OSTN: variants seen among roughly 807,000 people sequenced by gnomAD.
OSTN encodes the protein osteocrin.
OSTN carries 9 observed loss-of-function variants against 12.0 expected under a neutral mutation model. That is an observed-to-expected ratio of 0.75 (90% CI 0.45 to 1.30). The LOEUF is 1.30. Ranked by LOEUF, OSTN falls within the 50% of genes most tolerant of loss-of-function variation. The pLI, the probability that OSTN is intolerant of heterozygous loss-of-function variation, is 0.00. For synonymous variants in OSTN, 59 were observed against 56.9 expected (o/e 1.04, Z -0.16); for missense variants, 148 against 152.3 (o/e 0.97, Z 0.15).
At chr3:191,216,804 A>G (rs1714624012) in intron 2 of OSTN, among the ~76,000 whole-genome samples, 1 of 152,178 alleles carries the variant, frequency 6.6e-6, no homozygotes, top group Admixed American at 6.5e-5. Context: ...CCATAAAACT[A>G]TCAGCATTTT....
chr3:191,248,501 T>C (rs189115544), intron 3 of OSTN, among the ~76,000 whole-genome samples: 213 of 152,344 alleles, frequency 1.4e-3, no homozygotes, highest in African/African-American at 4.8e-3. Context: ...ATAATACTAG[T>C]AATTAGAAAA....
chr3:191,256,010 G>A (rs9818832), intron 4 of OSTN, among the ~76,000 whole-genome samples: 56,133 of 151,776 alleles, frequency 0.37, 10,668 homozygotes, highest in Admixed American at 0.47. Flanking sequence ...ACTTTGGATT[G>A]TGGCTGATTA....
chr3:191,214,429 T>C (rs1576924426), intron 2 of OSTN, among the ~76,000 whole-genome samples: 1 of 91,220 alleles, frequency 1.1e-5, no homozygotes, highest in Admixed American at 1.8e-4. Flanking sequence ...AGAGTGAGAC[T>C]CCATCTCAAA....
intron 1 of OSTN, among the ~76,000 whole-genome samples, chr3:191,207,782 T>C (rs1714315480): frequency 6.6e-6 from 1 of 152,160 alleles, no homozygotes; most frequent in African/African-American, 2.4e-5. Flanking sequence ...TTTAAAAATA[T>C]ACAATATATC....
rs71937483 is a variant in OSTN at position 191,230,066 on chromosome 3, CAATAAATA to C, written c.317+11135_317+11142del. ...GGGCAACAGAGTGAGGACTCAGTCT[CAATAAATA>C]AATAAATAAATAAATAAATAAATAA... On this transcript the variant is annotated intron_variant, in intron 3 of 4. Transcript: ENST00000682035. 3.7e-3 allele frequency among the ~76,000 whole-genome samples: 534 copies of C among 146,146 alleles called. 6 individuals carry two copies. Among genetic ancestry groups the C allele is most frequent in the African/African-American group, 7.6e-3 (293 of 38,370 alleles).
At chr3:191,253,486 C>T (rs1455143078) in intron 4 of OSTN, among the ~76,000 whole-genome samples, 1 of 152,122 alleles carries the variant, frequency 6.6e-6, no homozygotes, top group Non-Finnish European at 1.5e-5. Flanking sequence ...GGATGAAGAC[C>T]TCAACTTTCC....
At chr3:191,219,568 C>T (rs565545022) in intron 3 of OSTN, among the ~76,000 whole-genome samples, 1 of 152,292 alleles carries the variant, frequency 6.6e-6, no homozygotes, top group Admixed American at 6.5e-5. Flanking sequence ...TCATAGAATG[C>T]TAATTACGGA....
At chr3:191,225,296 G>A (rs1714880725) in intron 3 of OSTN, among the ~76,000 whole-genome samples, 1 of 152,040 alleles carries the variant, frequency 6.6e-6, no homozygotes, top group Non-Finnish European at 1.5e-5. Flanking sequence ...TTTCTTTAAA[G>A]TTTATTTATT....
At chr3:191,221,437 T>C (rs191821026) in intron 3 of OSTN, among the ~76,000 whole-genome samples, 110 of 152,266 alleles carry the variant, frequency 7.2e-4, no homozygotes, top group Admixed American at 6.7e-3. Context: ...ACTTGTTGAA[T>C]GATTTTAGCC....
In OSTN at chr3:191,265,466, A is replaced by G. The variant is rs1715902078; in HGVS notation, c.*2613A>G. On this transcript the variant is annotated 3_prime_UTR_variant, in exon 5 of 5. Transcript: ENST00000682035. The stretch of plus-strand genomic sequence containing the variant: ...AGCTTTAGGGAATTAAGTTTCTTAA[A>G]CCAAATTATGAAAAAATAACTTAAT... The G allele has an allele frequency of 6.6e-6, 1 of 152,226 alleles. No homozygotes were observed. Among genetic ancestry groups the G allele is most frequent in the Non-Finnish European group, 1.5e-5 (1 of 68,028 alleles). The allele number at this position is 152,226 out of a possible 1,614,324, so 9.4% of individuals were successfully genotyped here.
intron 3 of OSTN, among the ~76,000 whole-genome samples, chr3:191,248,397 T>G (rs942923966): frequency 2.0e-5 from 3 of 152,192 alleles, no homozygotes; most frequent in South Asian, 2.1e-4. Context: ...TAGATCATAA[T>G]AAGAAAAGCC....
At chr3:191,210,067 C>A (rs1294863899) in intron 1 of OSTN, among the ~76,000 whole-genome samples, 1 of 152,138 alleles carries the variant, frequency 6.6e-6, no homozygotes, top group Non-Finnish European at 1.5e-5. Context: ...ACAGGAAGCA[C>A]GGCTGGGGAG....
chr3:191,246,995 A>T (rs79930499), intron 3 of OSTN, among the ~76,000 whole-genome samples: 4,783 of 152,360 alleles, frequency 0.031, 225 homozygotes, highest in East Asian at 0.23. Context: ...CCTGTCTGCA[A>T]AATGCATTTG....
intron 2 of OSTN, chr3:191,213,357 A>G (rs1714515517): frequency 6.6e-6 from 1 of 152,248 alleles, no homozygotes. Flanking sequence ...TGAAAAGAGC[A>G]GTAATCACGA....
chr3:191,226,184 T>C (rs1174048785), intron 3 of OSTN, among the ~76,000 whole-genome samples: 1 of 152,078 alleles, frequency 6.6e-6, no homozygotes, highest in African/African-American at 2.4e-5. Flanking sequence ...AAAAATATAA[T>C]GCATCTTGAC....
In OSTN at chr3:191,265,232, T is replaced by G. The variant is rs750003339; in HGVS notation, c.*2379T>G. 2.4e-4 allele frequency: 36 copies of G among 152,328 alleles called. 1 individual carries two copies. In the Middle Eastern group the frequency reaches 0.021, roughly 88 times the overall value. The allele number at this position is 152,328 out of a possible 1,614,324, so 9.4% of individuals were successfully genotyped here. The stretch of plus-strand genomic sequence containing the variant: ...ATATTTCAACTTGAAGGGACTTTTT[T>G]GTTTTGTTTCAAAATAATGCATTAC... On this transcript the variant is annotated 3_prime_UTR_variant, in exon 5 of 5. Coordinates refer to ENST00000682035, the MANE Select transcript of OSTN (RefSeq NM_198184.2).
intron 1 of OSTN, among the ~76,000 whole-genome samples, chr3:191,203,905 G>A (rs1025169936): frequency 6.6e-6 from 1 of 152,026 alleles, no homozygotes; most frequent in African/African-American, 2.4e-5. Context: ...TATTTATTTT[G>A]AGATGGAGTT....
chr3:191,251,704 C>G (rs1715564418), intron 4 of OSTN, among the ~76,000 whole-genome samples: 1 of 152,174 alleles, frequency 6.6e-6, no homozygotes, highest in Non-Finnish European at 1.5e-5. Context: ...AGAGAACTTA[C>G]TGAATACTGC....
intron 3 of OSTN, among the ~76,000 whole-genome samples, chr3:191,219,928 T>C (rs1403839707): frequency 6.6e-6 from 1 of 152,170 alleles, no homozygotes; most frequent in Non-Finnish European, 1.5e-5. Flanking sequence ...TCCACCACCA[T>C]CATCACCCCT....
Sources: gnomAD v4.1 joint callset for allele counts (sites outside exome capture counted in the v4.1 genomes callset) on GRCh38, gnomAD v4.1.1 for gene constraint, MANE v1.5 for transcripts, NCBI Gene and HGNC (gene_info 2026-07-23, HGNC 2026-07-21) for gene names.